SMTN: variants seen among roughly 807,000 people sequenced by gnomAD.
SMTN encodes smoothelin.
Under a neutral mutation model 102.0 loss-of-function variants are expected in SMTN, and 58 were observed. That is an observed-to-expected ratio of 0.57 (90% CI 0.46 to 0.71). The LOEUF (loss-of-function observed/expected upper bound fraction) is 0.71, where lower values mean the gene tolerates loss of function less well. SMTN is among the 30% of genes least tolerant of loss of function. SMTN has a pLI of 0.00. For missense variants in SMTN, 1,185 were observed against 1,241.7 expected, an observed-to-expected ratio of 0.95 and a Z score of 0.69; for synonymous variants, 478 against 497.9, an observed-to-expected ratio of 0.96 and a Z score of 0.53.
chr22:31,093,497 A>G (rs2043299207), intron 11 of SMTN: 1 of 654,130 alleles, frequency 1.5e-6, no homozygotes, highest in Admixed American at 2.1e-5. Flanking sequence ...GCCCTTGAGG[A>G]GCAGTTGGGC....
chr22:31,098,893 GGGGGC>G, intron 17 of SMTN, 53 bp downstream of exon 17: 1 of 1,554,468 alleles, frequency 6.4e-7, no homozygotes, highest in Non-Finnish European at 8.7e-7. Context: ...ATAGGCAGTG[GGGGGC>G]GGGGCTTGAT....
At chr22:31,102,106 G>T (rs146168289) in intron 20 of SMTN, 2 of 152,316 alleles carry the variant, frequency 1.3e-5, no homozygotes, top group African/African-American at 4.8e-5. Flanking sequence ...GATGTTTCTG[G>T]CTGGGGACTC....
Position 31,104,523 on chromosome 22 carries a change from C to T in SMTN, c.*228C>T, listed in dbSNP as rs577318371. 5 of 1,579,644 alleles carry T rather than the reference C, an allele frequency of 3.2e-6. No homozygotes were observed. The highest frequency in any genetic ancestry group is 2.2e-5 in the East Asian group (1 of 44,552). Reference sequence around the variant, plus strand: ...GCTGCCGCCCCCACTCTCCGGGCACCGTCTCCTGCCTGTGCGTCCGCCCAC... The same window carrying T: ...GCTGCCGCCCCCACTCTCCGGGCACTGTCTCCTGCCTGTGCGTCCGCCCAC... On this transcript the variant is annotated 3_prime_UTR_variant, in exon 21 of 21. Transcript: ENST00000333137.
Position 31,096,780 on chromosome 22 carries a change from C to G in SMTN, c.1909C>G (p.Arg637Gly), listed in dbSNP as rs115436437. 3 of 1,563,128 alleles carry G rather than the reference C, an allele frequency of 1.9e-6. No individual in the cohort carries two copies. Among genetic ancestry groups the G allele is most frequent in the Non-Finnish European group, 2.6e-6 (3 of 1,156,742 alleles). Residue 637 changes from arginine (R) to glycine (G), a missense_variant, in exon 14 of 21, where the codon CGG (arginine) becomes GGG (glycine). Physicochemically the swap from Arg to Gly is moderately radical, Grantham distance 125 (BLOSUM62 -2). Coordinates refer to ENST00000333137, the MANE Select transcript of SMTN (RefSeq NM_134269.3). ...ACGGCGGCTGCAGGAGGCACGGGGC[C>G]GGCCAGGGGAGGGGCGCGGCAACAC... is the stretch of plus-strand genomic sequence containing the variant. ...RERRLQEARGRPGEGRGNTAT... is the reference protein window; with the variant it reads ...RERRLQEARGGPGEGRGNTAT...
At position 31,076,287 on chromosome 22, in the gene SMTN, G is replaced by A. The variant is rs539762680; in HGVS notation, c.-385-4163G>A. Among the ~76,000 whole-genome samples, 224 of 152,312 alleles carry A rather than the reference G, an allele frequency of 1.5e-3. 1 individual carries two copies. The highest frequency in any genetic ancestry group is 2.7e-3 in the Non-Finnish European group (183 of 68,028). On this transcript the variant is annotated intron_variant, in intron 1 of 3. Coordinates refer to the SMTN transcript ENST00000422839. ...CCTGCCCCAGAGAGGCCAGGCCTGC[G>A]TGGAAACTCTGAATTGGACACTGCG...
intron 2 of SMTN, 27 bp downstream of exon 2, chr22:31,083,336 G>A: frequency 6.6e-7 from 1 of 1,524,786 alleles, no homozygotes; most frequent in South Asian, 1.3e-5. Flanking sequence ...CCCACTGTGG[G>A]GACAGGAAAG....
At chr22:31,104,092 A>G (rs2044304177) in intron 20 of SMTN, 3 of 569,894 alleles carry the variant, frequency 5.3e-6, no homozygotes, top group Admixed American at 3.0e-5. Flanking sequence ...CTCTTCTGCC[A>G]TCTCCGCCTC....
chr22:31,084,152 G>T (rs2042501100), intron 2 of SMTN, among the ~76,000 whole-genome samples: 1 of 152,182 alleles, frequency 6.6e-6, no homozygotes, highest in African/African-American at 2.4e-5. Flanking sequence ...CTACCTCCAT[G>T]CACAGAGGCC....
Position 31,088,746 on chromosome 22 carries a change from C to T in SMTN, c.342C>T (p.Ala114=), listed in dbSNP as rs1164382874. ...AGGAGCGCAAGCTGATCCGAGCTGC[C>T]ATCCGCCGTGTACGGGCTCAGGAGA... The part of the protein sequence containing the change: ...EYEERKLIRA[A]IRRVRAQEIE... The change falls in exon 5 of 21, where the codon GCC becomes GCT. Residue 114 remains alanine, a synonymous_variant. Transcript: ENST00000333137. 1 of 1,613,318 alleles carries T rather than the reference C, an allele frequency of 6.2e-7. No individual in the cohort carries two copies. Among genetic ancestry groups the T allele is most frequent in the African/African-American group, 1.3e-5 (1 of 75,046 alleles).
intron 2 of SMTN, among the ~76,000 whole-genome samples, chr22:31,084,391 C>T (rs1252418670): frequency 6.6e-6 from 1 of 152,238 alleles, no homozygotes; most frequent in African/African-American, 2.4e-5. Flanking sequence ...TGGGCAGTGC[C>T]CAGCTGCTGC....
chr22:31,086,759 G>A (rs1042063297), intron 2 of SMTN, among the ~76,000 whole-genome samples: 8 of 152,232 alleles, frequency 5.3e-5, no homozygotes, highest in African/African-American at 1.9e-4. Context: ...TAATTCCTCA[G>A]GAATGTGGAG....
At chr22:31,082,575 A>C (rs978574582) in intron 1 of SMTN, 3 of 524,762 alleles carry the variant, frequency 5.7e-6, no homozygotes, top group African/African-American at 1.9e-5. Flanking sequence ...CAGGTGGGGA[A>C]TTGAATTCTG....
intron 18 of SMTN, 92 bp downstream of exon 18, chr22:31,099,271 T>A: frequency 2.5e-6 from 2 of 786,648 alleles, no homozygotes; most frequent in Non-Finnish European, 4.1e-6. Context: ...CCAGTACACT[T>A]CCTGCCACTG....
intron 1 of SMTN, among the ~76,000 whole-genome samples, chr22:31,074,825 A>C (rs780017706): frequency 2.6e-5 from 4 of 152,044 alleles, no homozygotes; most frequent in Non-Finnish European, 5.9e-5. Context: ...AACAACAACA[A>C]CAACAAAACA....
chr22:31,092,169 A>G lies in SMTN; in HGVS notation c.1632+322A>G, dbSNP rs983311784. On this transcript the variant is annotated intron_variant, in intron 11 of 20. Transcript: ENST00000333137. ...CAGATGGGGAAACTGAGGCTCAGAG[A>G]GGGTGGTAAGGGCTTGCTCCCCTCT... Among the ~76,000 whole-genome samples the G allele has an allele frequency of 3.3e-5, 5 of 152,150 alleles. No individual in the cohort carries two copies. In the South Asian group the frequency reaches 6.2e-4, roughly 19 times the overall value.
At position 31,104,137 on chromosome 22, in the gene SMTN, TGCCTCCAGGCTTGGGTAGATGAA is replaced by T. The variant is rs2044309932; in HGVS notation, c.*21-175_*21-153del. The T allele has an allele frequency of 1.7e-5, 11 of 646,764 alleles. 1 individual carries two copies. The South Asian group carries it at 2.3e-4, about 13-fold the overall frequency. 40.1% of individuals were successfully genotyped at this position (646,764 alleles called of 1,614,324 possible). On this transcript the variant is annotated intron_variant, in intron 20 of 20. Transcript: ENST00000333137. ...AGCTCTGCTCCCCCGCCCCGAGAGA[TGCCTCCAGGCTTGGGTAGATGAA>T]GCCAGGGGCTTCCTGCCTTCCTGGA...
intron 20 of SMTN, chr22:31,102,750 G>A (rs2044189813): frequency 6.6e-6 from 1 of 152,320 alleles, no homozygotes; most frequent in Non-Finnish European, 1.5e-5. Flanking sequence ...GGCTTTATAA[G>A]GTCTCCAGGG....
intron 1 of SMTN, chr22:31,082,958 C>G: frequency 8.0e-6 from 12 of 1,495,470 alleles, no homozygotes; most frequent in Non-Finnish European, 1.0e-5. Flanking sequence ...AGACTGGCGG[C>G]CAAGCTGGCA....
At chr22:31,089,623 C>G in intron 6 of SMTN, 76 bp from the exon 7 acceptor site, 2 of 1,420,712 alleles carry the variant, frequency 1.4e-6, no homozygotes, top group South Asian at 2.5e-5. Flanking sequence ...TGGGCACTTG[C>G]CAGCCTGGCC....
Sources: allele counts gnomAD v4.1 joint callset (sites outside exome capture counted in the v4.1 genomes callset), GRCh38; gene constraint gnomAD v4.1.1; transcripts MANE v1.5; gene names NCBI Gene and HGNC (gene_info 2026-07-23, HGNC 2026-07-21).